The following SLC35F4 variants were observed in gnomAD, a reference collection of about 807,000 sequenced individuals.
The protein encoded by SLC35F4 is solute carrier family 35 member F4.
SLC35F4 carries 24 observed loss-of-function variants against 44.2 expected under a neutral mutation model. The ratio of observed to expected loss-of-function variants is 0.54; its 90% CI spans 0.39 to 0.76. The LOEUF (loss-of-function observed/expected upper bound fraction) is 0.76, where lower values mean the gene tolerates loss of function less well. Among genes scored for constraint, SLC35F4 ranks in the 30% least tolerant of loss-of-function variants. SLC35F4 has a pLI of 0.00. For synonymous variants in SLC35F4, 238 were observed against 223.6 expected (o/e 1.06, Z -0.57); for missense variants, 562 against 586.1 (o/e 0.96, Z 0.42).
intron 1 of SLC35F4, among the ~76,000 whole-genome samples, chr14:57,646,345 GT>G (rs1222206501): frequency 3.3e-5 from 5 of 152,150 alleles, no homozygotes; most frequent in African/African-American, 1.2e-4. Flanking sequence ...TCCTGGTTTA[GT>G]CTTGGGAGGG....
chr14:57,651,893 G>A (rs1024558922), intron 1 of SLC35F4, among the ~76,000 whole-genome samples: 1 of 152,180 alleles, frequency 6.6e-6, no homozygotes, highest in African/African-American at 2.4e-5. Flanking sequence ...AGCCCACACA[G>A]GACTGCTCAA....
intron 1 of SLC35F4, among the ~76,000 whole-genome samples, chr14:57,888,332 A>G (rs1888694450): frequency 1.3e-5 from 2 of 152,222 alleles, no homozygotes; most frequent in Non-Finnish European, 2.9e-5. Flanking sequence ...TGTCTTCAAC[A>G]GGGTAGTAAA....
At chr14:57,844,902 C>T (rs1885864432) in intron 1 of SLC35F4, among the ~76,000 whole-genome samples, 1 of 151,920 alleles carries the variant, frequency 6.6e-6, no homozygotes, top group African/African-American at 2.4e-5. Context: ...CTCTGTCTCT[C>T]TCCTCCATCT....
chr14:57,566,972 G>A (rs1294759993), intron 6 of SLC35F4, among the ~76,000 whole-genome samples: 1 of 152,240 alleles, frequency 6.6e-6, no homozygotes, highest in Non-Finnish European at 1.5e-5. Flanking sequence ...AATGGCTCTA[G>A]TGTTACTGCC....
chr14:57,596,391 T>C (rs565768084), intron 1 of SLC35F4: 69 of 253,514 alleles, frequency 2.7e-4, no homozygotes, highest in Admixed American at 8.8e-4. Context: ...TGTTTCTAAT[T>C]GGACAATTCA....
intron 1 of SLC35F4, among the ~76,000 whole-genome samples, chr14:57,950,211 T>G (rs1890109138): frequency 6.6e-6 from 1 of 152,014 alleles, no homozygotes; most frequent in African/African-American, 2.4e-5. Context: ...TCTTGGAAGC[T>G]TTGTTCAATT....
At chr14:57,935,450 T>G (rs1889778729) in intron 1 of SLC35F4, among the ~76,000 whole-genome samples, 1 of 152,178 alleles carries the variant, frequency 6.6e-6, no homozygotes, top group Non-Finnish European at 1.5e-5. Context: ...TTAGAGAGAC[T>G]GTAGAGAGAA....
At chr14:57,782,111 T>G (rs2077636058) in intron 1 of SLC35F4, among the ~76,000 whole-genome samples, 1 of 152,212 alleles carries the variant, frequency 6.6e-6, no homozygotes, top group Admixed American at 6.5e-5. Context: ...TTATCACAAT[T>G]ACCTTTTAGT....
chr14:57,601,631 A>G (rs892138409), intron 1 of SLC35F4, among the ~76,000 whole-genome samples: 1 of 152,218 alleles, frequency 6.6e-6, no homozygotes, highest in Non-Finnish European at 1.5e-5. Context: ...AGAAAGGAGT[A>G]CTAATGGTTA....
intron 1 of SLC35F4, among the ~76,000 whole-genome samples, chr14:57,792,789 G>T (rs576517728): frequency 6.6e-6 from 1 of 152,038 alleles, no homozygotes; most frequent in Non-Finnish European, 1.5e-5. Context: ...AGGTGGGAGG[G>T]GGGTGAGGGA....
Position 57,584,164 on chromosome 14 carries a change from T to C in SLC35F4, c.588-2731A>G, listed in dbSNP as rs142074211. 8.6e-4 allele frequency among the ~76,000 whole-genome samples: 131 copies of C among 152,234 alleles called. 1 individual carries two copies. The highest frequency in any genetic ancestry group is 2.7e-3 in the African/African-American group (112 of 41,494). ...ACGTCCTTGTTAATAATATGGTATATATTTTTTTCTTCCTAAATTTCAAAT... is the reference window on the plus strand; with the variant it reads ...ACGTCCTTGTTAATAATATGGTATACATTTTTTTCTTCCTAAATTTCAAAT... On this transcript the variant is annotated intron_variant, in intron 3 of 7. Transcript: ENST00000556826.
At chr14:57,619,553 G>T (rs1703452) in intron 1 of SLC35F4, among the ~76,000 whole-genome samples, 67,613 of 151,850 alleles carry the variant, frequency 0.45, 16,811 homozygotes, top group Non-Finnish European at 0.56. Context: ...TAACATCAGA[G>T]ACCAAAGGTA....
chr14:57,844,790 G>GCAT (rs930245624), intron 1 of SLC35F4, among the ~76,000 whole-genome samples: 16 of 152,234 alleles, frequency 1.1e-4, no homozygotes, highest in African/African-American at 3.6e-4. Flanking sequence ...TCAGGAGCGG[G>GCAT]CATCCCCTTG....
Position 57,612,732 on chromosome 14 carries a change from CAT to C in SLC35F4, c.104-18610_104-18609del, listed in dbSNP as rs1270036990. Reference sequence around the variant, plus strand: ...TACTGTGTTCAGTAACTTTAATGTGCATATGTCTTATCATCTCCAACTACGCA... The same window carrying C: ...TACTGTGTTCAGTAACTTTAATGTGCATGTCTTATCATCTCCAACTACGCA... On this transcript the variant is annotated intron_variant, in intron 1 of 7. Coordinates refer to ENST00000556826, the MANE Select transcript of SLC35F4 (RefSeq NM_001306087.2). Among the ~76,000 whole-genome samples the C allele has an allele frequency of 2.0e-5, 3 of 152,220 alleles. No individual in the cohort carries two copies. In the East Asian group the frequency reaches 5.8e-4, roughly 29 times the overall value.
At chr14:57,902,953 C>T (rs772526588) in intron 1 of SLC35F4, among the ~76,000 whole-genome samples, 14 of 152,156 alleles carry the variant, frequency 9.2e-5, no homozygotes, top group African/African-American at 1.9e-4. Flanking sequence ...TCTTTGCTGA[C>T]GTTTTTCTAC....
At chr14:57,850,777 T>A (rs141465597) in intron 1 of SLC35F4, among the ~76,000 whole-genome samples, 1 of 152,358 alleles carries the variant, frequency 6.6e-6, no homozygotes, top group African/African-American at 2.4e-5. Flanking sequence ...CTAGGTATAC[T>A]GCAGGATATG....
intron 1 of SLC35F4, among the ~76,000 whole-genome samples, chr14:57,978,867 T>C (rs1410088020): frequency 6.6e-6 from 1 of 152,200 alleles, no homozygotes; most frequent in Non-Finnish European, 1.5e-5. Context: ...CGTTTGCTCC[T>C]TTTGCCTCTA....
intron 1 of SLC35F4, among the ~76,000 whole-genome samples, chr14:57,680,293 T>C (rs2074850489): frequency 6.6e-6 from 1 of 152,090 alleles, no homozygotes; most frequent in Non-Finnish European, 1.5e-5. Context: ...TCTCAACAGA[T>C]GTAGAAAAGG....
At chr14:57,743,183 A>G (rs1043934383) in intron 1 of SLC35F4, among the ~76,000 whole-genome samples, 2 of 152,218 alleles carry the variant, frequency 1.3e-5, no homozygotes, top group South Asian at 4.1e-4. Flanking sequence ...AAGAGCAAAC[A>G]CATTCCAAAG....
Sources: allele counts gnomAD v4.1 joint callset (sites outside exome capture counted in the v4.1 genomes callset), GRCh38; gene constraint gnomAD v4.1.1; transcripts MANE v1.5; gene names NCBI Gene and HGNC (gene_info 2026-07-23, HGNC 2026-07-21).